Variants in IMMP2L observed in about 807,000 individuals in gnomAD.
The protein encoded by IMMP2L is mitochondrial inner membrane protease subunit 2.
A neutral mutation model predicts 19.3 loss-of-function variants in IMMP2L; 18 were observed. The ratio of observed to expected loss-of-function variants is 0.93; its 90% CI spans 0.64 to 1.38. The LOEUF (loss-of-function observed/expected upper bound fraction) is 1.38. Ranked by LOEUF, IMMP2L falls within the 40% of genes most tolerant of loss-of-function variation. The pLI, the probability that IMMP2L is intolerant of heterozygous loss-of-function variation, is 0.00. For synonymous variants in IMMP2L, 76 were observed against 73.0 expected (o/e 1.04, Z -0.21); for missense variants, 233 against 218.2 (o/e 1.07, Z -0.43).
intron 5 of IMMP2L, among the ~76,000 whole-genome samples, chr7:110,814,827 A>C (rs1332897606): frequency 4.6e-5 from 7 of 151,832 alleles, no homozygotes; most frequent in Non-Finnish European, 7.4e-5. Flanking sequence ...CTTAAGACAG[A>C]TGTGATCACA....
intron 3 of IMMP2L, among the ~76,000 whole-genome samples, chr7:111,202,381 C>T (rs1005228942): frequency 4.6e-5 from 7 of 152,300 alleles, no homozygotes; most frequent in African/African-American, 1.4e-4. Context: ...ACTGTACTCA[C>T]GCACTCATAG....
At chr7:111,079,308 G>A (rs1281512196) in intron 3 of IMMP2L, among the ~76,000 whole-genome samples, 3 of 150,872 alleles carry the variant, frequency 2.0e-5, no homozygotes, top group African/African-American at 7.3e-5. Flanking sequence ...TAGTAGAGAC[G>A]GGGTTTCACC....
chr7:111,508,852 C>T (rs1845183890), intron 2 of IMMP2L, among the ~76,000 whole-genome samples: 1 of 152,138 alleles, frequency 6.6e-6, no homozygotes, highest in Non-Finnish European at 1.5e-5. Context: ...GGCTTTCAGG[C>T]TTTAAACTGT....
intron 3 of IMMP2L, among the ~76,000 whole-genome samples, chr7:111,299,441 A>G (rs916948543): frequency 4.4e-4 from 67 of 152,274 alleles, no homozygotes; most frequent in African/African-American, 1.5e-3. Context: ...TCAAATAAAT[A>G]ATCTTCAAAA....
chr7:111,122,969 G>A, intron 3 of IMMP2L: 2 of 1,614,036 alleles, frequency 1.2e-6, no homozygotes, highest in Non-Finnish European at 1.7e-6. Context: ...TTCCCAGCCA[G>A]ATTGCCAGCT....
At chr7:111,177,140 A>G (rs557527784) in intron 3 of IMMP2L, among the ~76,000 whole-genome samples, 68 of 152,192 alleles carry the variant, frequency 4.5e-4, no homozygotes, top group African/African-American at 1.5e-3. Context: ...ACACTTGAGT[A>G]GATTAGTGAG....
intron 3 of IMMP2L, among the ~76,000 whole-genome samples, chr7:111,284,062 T>TATATTA (rs1820219509): frequency 6.6e-6 from 1 of 151,754 alleles, no homozygotes; most frequent in Non-Finnish European, 1.5e-5. Flanking sequence ...TACCATTTTC[T>TATATTA]CCTCAGTATA....
intron 3 of IMMP2L, among the ~76,000 whole-genome samples, chr7:111,167,774 C>T (rs541245745): frequency 2.6e-4 from 39 of 151,936 alleles, no homozygotes; most frequent in African/African-American, 9.4e-4. Context: ...TGTGTTTACT[C>T]GGAATCCTCA....
intron 3 of IMMP2L, among the ~76,000 whole-genome samples, chr7:111,008,835 G>T (rs1824594600): frequency 6.6e-6 from 1 of 151,998 alleles, no homozygotes; most frequent in Non-Finnish European, 1.5e-5. Flanking sequence ...GATACAATAT[G>T]GGCTAGTCTT....
chr7:110,966,268 G>A, intron 3 of IMMP2L, among the ~76,000 whole-genome samples: 2 of 152,098 alleles, frequency 1.3e-5, no homozygotes, highest in South Asian at 4.1e-4. Context: ...AAAACAAAAG[G>A]AAAAGGAAAA....
chr7:111,043,857 A>T (rs1233927510), intron 3 of IMMP2L, among the ~76,000 whole-genome samples: 1 of 152,246 alleles, frequency 6.6e-6, no homozygotes, highest in African/African-American at 2.4e-5. Flanking sequence ...TTAAATAGAG[A>T]TCATCACTTG....
rs991351948 is a variant in IMMP2L at position 111,213,334 on chromosome 7, G to T, written c.240-249769C>A. Among the ~76,000 whole-genome samples the T allele has an allele frequency of 4.6e-5, 7 of 152,196 alleles. No homozygotes were observed. Among genetic ancestry groups the T allele is most frequent in the African/African-American group, 9.7e-5 (4 of 41,442 alleles). ...TTTGGGTGCCAATGAGCATGGGAGG[G>T]AGGCTGAGTGGGGCCTGAAGGCAGC... On this transcript the variant is annotated intron_variant, in intron 3 of 5. Coordinates refer to ENST00000405709, the MANE Select transcript of IMMP2L (RefSeq NM_032549.4). This position sits in a 1 kb window ranked among gnomAD's most constrained non-coding sequence, Gnocchi z 4.8.
chr7:110,980,575 A>T (rs2129557972), intron 3 of IMMP2L, among the ~76,000 whole-genome samples: 1 of 152,160 alleles, frequency 6.6e-6, no homozygotes, highest in South Asian at 2.1e-4. Context: ...AAAGACATGA[A>T]ACTGTCTTGT....
chr7:111,068,753 A>C (rs1187913908), intron 3 of IMMP2L, among the ~76,000 whole-genome samples: 1 of 152,218 alleles, frequency 6.6e-6, no homozygotes, highest in Non-Finnish European at 1.5e-5. Context: ...AAATACAGAA[A>C]ATAGCAACAT....
intron 3 of IMMP2L, among the ~76,000 whole-genome samples, chr7:111,429,351 G>A (rs78999206): frequency 0.021 from 3,234 of 151,888 alleles, 201 homozygotes; most frequent in African/African-American, 0.074. Context: ...TACTTTGCCA[G>A]TCTTTCATCT....
At chr7:111,045,636 T>C (rs1044909007) in intron 3 of IMMP2L, among the ~76,000 whole-genome samples, 23 of 152,132 alleles carry the variant, frequency 1.5e-4, no homozygotes, top group African/African-American at 5.6e-4. Context: ...AGTGATGCAA[T>C]ATAAGACTCT....
At chr7:110,862,684 C>G (rs182187689) in intron 5 of IMMP2L, among the ~76,000 whole-genome samples, 1 of 152,022 alleles carries the variant, frequency 6.6e-6, no homozygotes, top group Non-Finnish European at 1.5e-5. Flanking sequence ...CTTTTGCATT[C>G]TCAAAATAAC....
rs777862357 is a variant in IMMP2L at position 111,556,018 on chromosome 7, G to GTGTGTGTATATATATATA, written c.-3+5832_-3+5833insTATATATATATACACACA. Among the ~76,000 whole-genome samples, 107 of 91,354 alleles carry GTGTGTGTATATATATATA rather than the reference G, an allele frequency of 1.2e-3. 2 individuals carry two copies. The highest frequency in any genetic ancestry group is 1.7e-3 in the Non-Finnish European group (76 of 44,508). 59.9% of individuals were successfully genotyped at this position (91,354 alleles called of 152,430 possible). ...TTAGCCATCCCTCTTCTGTGTGCAT[G>GTGTGTGTATATATATATA]TATATATATATATATATACATACCC... On this transcript the variant is annotated intron_variant, in intron 1 of 5. Coordinates refer to ENST00000405709, the MANE Select transcript of IMMP2L (RefSeq NM_032549.4).
intron 5 of IMMP2L, among the ~76,000 whole-genome samples, chr7:110,855,339 T>A (rs1214405608): frequency 6.6e-6 from 1 of 151,958 alleles, no homozygotes; most frequent in Non-Finnish European, 1.5e-5. Context: ...GATGAAGAGA[T>A]CTAATGCCTA....
Sources: allele counts gnomAD v4.1 joint callset (sites outside exome capture counted in the v4.1 genomes callset), GRCh38; gene constraint gnomAD v4.1.1; non-coding constraint Gnocchi (gnomAD v3.1); transcripts MANE v1.5; gene names NCBI Gene and HGNC (gene_info 2026-07-23, HGNC 2026-07-21).